Variants in PIP4P2 observed in about 807,000 individuals in gnomAD.
The protein encoded by PIP4P2 is type 2 phosphatidylinositol 4,5-bisphosphate 4-phosphatase.
A neutral mutation model predicts 33.3 loss-of-function variants in PIP4P2; 19 were observed. The ratio of observed to expected loss-of-function variants is 0.57; its 90% CI spans 0.40 to 0.84. The LOEUF is 0.84. Ranked by LOEUF, PIP4P2 falls within the 40% of genes least tolerant of loss-of-function variation. The pLI, the probability that PIP4P2 is intolerant of heterozygous loss-of-function variation, is 0.00. For synonymous variants in PIP4P2, 110 were observed against 111.9 expected (o/e 0.98, Z 0.11); for missense variants, 270 against 324.7 (o/e 0.83, Z 1.29).
intron 1 of PIP4P2, among the ~76,000 whole-genome samples, chr8:91,036,415 T>C (rs920366846): frequency 6.6e-6 from 1 of 152,220 alleles, no homozygotes; most frequent in Non-Finnish European, 1.5e-5. Flanking sequence ...CTCCGTCTTC[T>C]GGTGTTCTGG....
intron 1 of PIP4P2, among the ~76,000 whole-genome samples, chr8:91,035,570 C>A (rs1313057916): frequency 6.6e-6 from 1 of 152,170 alleles, no homozygotes; most frequent in Non-Finnish European, 1.5e-5. Flanking sequence ...CATTCACCTT[C>A]CTCTCCCTAG....
chr8:91,021,275 G>A lies in PIP4P2; in HGVS notation c.236C>T (p.Thr79Ile), dbSNP rs1406777730. 6.2e-7 allele frequency: 1 copy of A among 1,613,668 alleles called. No homozygotes were observed. Among genetic ancestry groups the A allele is most frequent in the Non-Finnish European group, 8.5e-7 (1 of 1,179,732 alleles). Residue 79 changes from threonine to isoleucine, a missense_variant, in exon 2 of 7, where the codon ACA becomes ATA. Thr to Ile is a moderately conservative substitution (Grantham distance 89). Coordinates refer to ENST00000285419, the MANE Select transcript of PIP4P2 (RefSeq NM_018710.3). ...ACTTACCGTAGCTTCATTGCAAACT[G>A]TGCACTTAACCACATGCTGGTGAAG... is the stretch of plus-strand genomic sequence containing the variant. ...GKLHQHVVKC[T>I]VCNEATPIKN...
At position 91,008,594 on chromosome 8, in the gene PIP4P2, T is replaced by C. The variant is rs1007690829; in HGVS notation, c.539+149A>G. 52 of 547,332 alleles carry C rather than the reference T, an allele frequency of 9.5e-5. 2 individuals are homozygous for C. Among genetic ancestry groups the C allele is most frequent in the Middle Eastern group, 5.2e-4 (1 of 1,934 alleles). 33.9% of individuals were successfully genotyped at this position (547,332 alleles called of 1,614,324 possible). On this transcript the variant is annotated intron_variant, in intron 5 of 6. Coordinates refer to ENST00000285419, the MANE Select transcript of PIP4P2 (RefSeq NM_018710.3). ...AATGGGATATATTTGTTTTAGGATA[T>C]CTTTTTAGTCTTAAAAAGCATAAAT...
intron 3 of PIP4P2, among the ~76,000 whole-genome samples, chr8:91,019,020 T>C (rs6651175): frequency 0.1 from 15,443 of 152,022 alleles, 907 homozygotes; most frequent in African/African-American, 0.16. Flanking sequence ...TAGTCTATCA[T>C]TGGATAGGGC....
At chr8:91,006,302 T>C (rs77569631) in intron 5 of PIP4P2, among the ~76,000 whole-genome samples, 2,346 of 152,296 alleles carry the variant, frequency 0.015, 53 homozygotes, top group African/African-American at 0.053. Context: ...GTGACTCTGA[T>C]TCTACAAACC....
chr8:91,019,286 A>C (rs1586181168), intron 3 of PIP4P2, among the ~76,000 whole-genome samples: 1 of 146,058 alleles, frequency 6.8e-6, no homozygotes, highest in South Asian at 2.2e-4. Context: ...TTTTTTTTTT[A>C]AGAGATGGGC....
At chr8:91,032,796 A>G (rs1334253969) in intron 1 of PIP4P2, among the ~76,000 whole-genome samples, 2 of 151,698 alleles carry the variant, frequency 1.3e-5, no homozygotes, top group South Asian at 2.1e-4. Flanking sequence ...AAAAAAAAAA[A>G]AAAAAGAAAG....
intron 4 of PIP4P2, among the ~76,000 whole-genome samples, chr8:91,014,674 C>G (rs927783923): frequency 9.3e-5 from 14 of 151,000 alleles, no homozygotes; most frequent in African/African-American, 2.7e-4. Context: ...ATCTAATGTA[C>G]AGTATAGTGA....
chr8:91,038,086 C>T (rs560458443), intron 1 of PIP4P2, among the ~76,000 whole-genome samples: 1 of 152,256 alleles, frequency 6.6e-6, no homozygotes, highest in African/African-American at 2.4e-5. Context: ...CACTTAGAAA[C>T]CAACATGGAT....
At chr8:91,035,481 C>T (rs1017212247) in intron 1 of PIP4P2, among the ~76,000 whole-genome samples, 6 of 152,160 alleles carry the variant, frequency 3.9e-5, no homozygotes, top group Non-Finnish European at 8.8e-5. Context: ...TGCATGAAGA[C>T]TCCTTTCTTG....
intron 5 of PIP4P2, among the ~76,000 whole-genome samples, chr8:91,007,132 G>A (rs534221274): frequency 5.9e-5 from 9 of 152,216 alleles, no homozygotes; most frequent in African/African-American, 1.7e-4. Flanking sequence ...ACTTTGGAGG[G>A]GGGAGTATAG....
Position 91,018,520 on chromosome 8 carries a change from A to G in PIP4P2, c.363-7T>C, listed in dbSNP as rs760709596. The stretch of plus-strand genomic sequence containing the variant: ...AAGGTTAATTATCCGTCTACTGTGA[A>G]AAGAGAAAGGAAACAACTTCACTAT... On this transcript the variant is annotated splice_polypyrimidine_tract_variant and splice_region_variant and intron_variant, in intron 3 of 6. Transcript: ENST00000285419. 1.9e-6 allele frequency: 3 copies of G among 1,611,592 alleles called. No homozygotes were observed. Among genetic ancestry groups the G allele is most frequent in the Non-Finnish European group, 2.5e-6 (3 of 1,179,298 alleles).
intron 1 of PIP4P2, among the ~76,000 whole-genome samples, chr8:91,027,686 C>G (rs1392644667): frequency 2.0e-5 from 3 of 152,062 alleles, no homozygotes; most frequent in Non-Finnish European, 4.4e-5. Flanking sequence ...TGTTTTAAAG[C>G]TAGAAGTAGC....
chr8:91,039,639 A>T (rs1812278597), intron 1 of PIP4P2, among the ~76,000 whole-genome samples: 1 of 152,198 alleles, frequency 6.6e-6, no homozygotes, highest in African/African-American at 2.4e-5. Flanking sequence ...TTAGCCAAAA[A>T]AAGAGAGAGA....
intron 5 of PIP4P2, among the ~76,000 whole-genome samples, chr8:91,005,703 T>C (rs1231981331): frequency 6.6e-6 from 1 of 152,216 alleles, no homozygotes; most frequent in East Asian, 1.9e-4. Flanking sequence ...AAGCCCACTA[T>C]TGTTTAAAAT....
intron 1 of PIP4P2, among the ~76,000 whole-genome samples, chr8:91,037,289 C>T (rs1812244469): frequency 6.6e-6 from 1 of 152,160 alleles, no homozygotes; most frequent in African/African-American, 2.4e-5. Flanking sequence ...ATTTTAGCCA[C>T]GTTGGCCTTC....
chr8:91,030,213 C>CAAAAAA (rs35093838), intron 1 of PIP4P2, among the ~76,000 whole-genome samples: 1 of 114,854 alleles, frequency 8.7e-6, no homozygotes, highest in Non-Finnish European at 1.8e-5. Flanking sequence ...GACTCCATCT[C>CAAAAAA]AAAAAAAAAA....
rs919892458 is a variant in PIP4P2 at position 90,995,556 on chromosome 8, T to C, written c.*121A>G. 3.1e-5 allele frequency: 39 copies of C among 1,267,970 alleles called. No individual in the cohort carries two copies. Among genetic ancestry groups the C allele is most frequent in the Admixed American group, 9.2e-5 (3 of 32,464 alleles). 78.5% of individuals were successfully genotyped at this position (1,267,970 alleles called of 1,614,324 possible). A position where few individuals can be genotyped will look rare whatever the true frequency, so the allele number is the denominator to read the frequency against. The stretch of plus-strand genomic sequence containing the variant: ...TTGTTCATAAAAGACTCCCAAAGTC[T>C]TGAAACGATTATACATAAACCAGAA... On this transcript the variant is annotated 3_prime_UTR_variant, in exon 7 of 7. Transcript: ENST00000285419.
chr8:91,018,510 T>A lies in PIP4P2; in HGVS notation c.366A>T (p.Arg122Ser). The A allele has an allele frequency of 6.2e-7, 1 of 1,612,732 alleles. No individual in the cohort carries two copies. The highest frequency in any genetic ancestry group is 8.5e-7 in the Non-Finnish European group (1 of 1,179,638). The change falls in exon 4 of 7, where the codon AGA (arginine) becomes AGT (serine). Residue 122 changes from arginine (R) to serine (S), a missense_variant. Transcript: ENST00000285419. ...RRIGCPRPNC[R>S]RIINLGPVML... ...TTACTGGGCCAAGGTTAATTATCCG[T>A]CTACTGTGAAAAGAGAAAGGAAACA...
Sources: gnomAD v4.1 joint callset for allele counts (sites outside exome capture counted in the v4.1 genomes callset) on GRCh38, gnomAD v4.1.1 for gene constraint, MANE v1.5 for transcripts, NCBI Gene and HGNC (gene_info 2026-07-23, HGNC 2026-07-21) for gene names.